The following THSD7A variants were observed in gnomAD, a reference collection of about 807,000 sequenced individuals.
The protein encoded by THSD7A is thrombospondin type 1 domain containing 7A.
A neutral mutation model predicts 231.3 loss-of-function variants in THSD7A; 96 were observed. The observed-to-expected ratio is 0.41, with a 90% CI of 0.35 to 0.49. The LOEUF (loss-of-function observed/expected upper bound fraction) is 0.49, where lower values mean the gene tolerates loss of function less well. THSD7A is among the 20% of genes least tolerant of loss of function. The pLI, the probability that THSD7A is intolerant of heterozygous loss-of-function variation, is 0.05. For synonymous variants in THSD7A, 940 were observed against 743.3 expected, an observed-to-expected ratio of 1.26 and a Z score of -4.30; for missense variants, 2,290 against 2,070.2, an observed-to-expected ratio of 1.11 and a Z score of -2.06.
At chr7:11,726,884 C>G (rs143907207) in intron 1 of THSD7A, among the ~76,000 whole-genome samples, 2 of 152,014 alleles carry the variant, frequency 1.3e-5, no homozygotes, top group African/African-American at 4.8e-5. Flanking sequence ...TTTCAGTCAT[C>G]TAAGAATAAT....
intron 1 of THSD7A, among the ~76,000 whole-genome samples, chr7:11,684,796 G>A (rs1354493989): frequency 6.6e-6 from 1 of 151,864 alleles, no homozygotes; most frequent in Admixed American, 6.6e-5. Context: ...TATCTATACT[G>A]TTCAAAGCAA....
intron 4 of THSD7A, among the ~76,000 whole-genome samples, chr7:11,559,222 C>A (rs371291376): frequency 1.3e-5 from 2 of 152,270 alleles, no homozygotes; most frequent in Admixed American, 6.5e-5. Context: ...AGAAATGGAA[C>A]CCTGTCAGCT....
At chr7:11,430,290 A>C (rs949607099) in intron 13 of THSD7A, among the ~76,000 whole-genome samples, 5 of 152,084 alleles carry the variant, frequency 3.3e-5, no homozygotes, top group African/African-American at 1.2e-4. Flanking sequence ...AACCATCATC[A>C]CCATCTAATT....
chr7:11,495,845 C>A (rs920209942), intron 6 of THSD7A, among the ~76,000 whole-genome samples: 22 of 151,840 alleles, frequency 1.4e-4, no homozygotes, highest in Non-Finnish European at 1.9e-4. Flanking sequence ...CTTACAAAGC[C>A]GGGGGAAAAT....
In THSD7A at chr7:11,757,912, G is replaced by A. The variant is rs1206198655; in HGVS notation, c.190+73845C>T. Among the ~76,000 whole-genome samples, 4 of 150,272 alleles carry A rather than the reference G, an allele frequency of 2.7e-5. No individual in the cohort carries two copies. The Admixed American group carries it at 2.7e-4, about 10-fold the overall frequency. ...CATAGGCTTAATTAAAAATGGAATA[G>A]GCCAATTTAGTAATAATAATAATAA... is the stretch of plus-strand genomic sequence containing the variant. On this transcript the variant is annotated intron_variant, in intron 1 of 27. Transcript: ENST00000423059.
At chr7:11,682,638 G>C (rs940930872) in intron 1 of THSD7A, among the ~76,000 whole-genome samples, 2 of 151,904 alleles carry the variant, frequency 1.3e-5, no homozygotes, top group African/African-American at 4.8e-5. Context: ...AATAGACATA[G>C]ACATTCACAC....
intron 1 of THSD7A, among the ~76,000 whole-genome samples, chr7:11,724,999 C>T (rs1337837634): frequency 1.3e-5 from 2 of 151,548 alleles, no homozygotes; most frequent in Admixed American, 6.6e-5. Context: ...TTAAGCAGTG[C>T]CTCAAAATTA....
chr7:11,671,741 C>T (rs183827684), intron 1 of THSD7A, among the ~76,000 whole-genome samples: 25 of 152,110 alleles, frequency 1.6e-4, no homozygotes, highest in Admixed American at 9.2e-4. Flanking sequence ...CTTTCTAGGG[C>T]AATGAAACAC....
chr7:11,401,908 C>G lies in THSD7A; in HGVS notation c.4298G>C (p.Gly1433Ala). 1 of 1,613,842 alleles carries G rather than the reference C, an allele frequency of 6.2e-7. No homozygotes were observed. The stretch of plus-strand genomic sequence containing the variant: ...TATTCCACCAAAGCCTAGATCCTCA[C>G]CATTCACACAGGTCAGCTGACACAG... Reference protein sequence around the residue: ...WSLCQLTCVNGEDLGFGGIQV... With the variant: ...WSLCQLTCVNAEDLGFGGIQV... The change falls in exon 23 of 28, where the codon GGT becomes GCT. Residue 1433 changes from glycine to alanine, a missense_variant. Transcript: ENST00000423059.
intron 1 of THSD7A, among the ~76,000 whole-genome samples, chr7:11,788,051 G>C (rs543916083): frequency 7.2e-5 from 11 of 152,036 alleles, no homozygotes; most frequent in Admixed American, 3.3e-4. Flanking sequence ...CTACAAGGTT[G>C]GTCTTTTTTG....
chr7:11,562,380 C>T (rs1465032276), intron 4 of THSD7A, among the ~76,000 whole-genome samples: 1 of 152,122 alleles, frequency 6.6e-6, no homozygotes, highest in African/African-American at 2.4e-5. Context: ...AAAAGATATA[C>T]TGGTGCTCAA....
At chr7:11,471,920 C>G (rs1329905898) in intron 8 of THSD7A, among the ~76,000 whole-genome samples, 1 of 152,082 alleles carries the variant, frequency 6.6e-6, no homozygotes. Flanking sequence ...ATAACTTTAA[C>G]AATGAGAGAG....
At chr7:11,431,851 T>C (rs1300673835) in intron 13 of THSD7A, among the ~76,000 whole-genome samples, 1 of 152,140 alleles carries the variant, frequency 6.6e-6, no homozygotes, top group Non-Finnish European at 1.5e-5. Context: ...CTTTCAATGA[T>C]GTTTTGTAGT....
At chr7:11,819,970 C>T (rs563959426) in intron 1 of THSD7A, among the ~76,000 whole-genome samples, 28 of 152,244 alleles carry the variant, frequency 1.8e-4, no homozygotes, top group African/African-American at 6.3e-4. Flanking sequence ...TAACACTGCA[C>T]CAAAAAGTCT....
rs1419117924 is a variant in THSD7A at position 11,541,600 on chromosome 7, A to C, written c.1641T>G (p.Asn547Lys). The C allele has an allele frequency of 1.2e-6, 2 of 1,613,782 alleles. No homozygotes were observed. The highest frequency in any genetic ancestry group is 8.5e-7 in the Non-Finnish European group (1 of 1,179,840). The change falls in exon 6 of 28, where the codon AAT (asparagine) becomes AAG (lysine). Residue 547 changes from asparagine (N) to lysine (K), a missense_variant. Physicochemically the swap from Asn to Lys is moderately conservative, Grantham distance 94 (BLOSUM62 0). Coordinates refer to ENST00000423059, the MANE Select transcript of THSD7A (RefSeq NM_015204.3). ...TTACCCCAGAGCCTCCAGTGGGCTC[A>C]TTGGTAATGCGCCGCTTCCTCAGTT... The part of the protein sequence containing the change: ...GFKLRKRRIT[N>K]EPTGGSGVTG...
At chr7:11,455,669 T>A (rs1177694650) in intron 11 of THSD7A, among the ~76,000 whole-genome samples, 1 of 152,078 alleles carries the variant, frequency 6.6e-6, no homozygotes, top group Non-Finnish European at 1.5e-5. Flanking sequence ...TTGACATATA[T>A]AAAATATAGA....
intron 1 of THSD7A, among the ~76,000 whole-genome samples, chr7:11,677,660 C>T (rs1783697608): frequency 9.9e-6 from 1 of 100,722 alleles, no homozygotes; most frequent in Non-Finnish European, 2.1e-5. Context: ...TTTAAACCAA[C>T]AAAGATCAAA....
chr7:11,473,387 A>G (rs999108473), intron 8 of THSD7A, among the ~76,000 whole-genome samples: 2 of 152,078 alleles, frequency 1.3e-5, no homozygotes, highest in African/African-American at 4.8e-5. Context: ...GACTGCAAAA[A>G]CTGTTGGCCA....
intron 24 of THSD7A, 50 bp downstream of exon 24, chr7:11,382,471 T>A: frequency 7.2e-7 from 1 of 1,396,828 alleles, no homozygotes; most frequent in Non-Finnish European, 1.0e-6. Flanking sequence ...ACCAATCACA[T>A]GTGTGTTACA....
Sources: gnomAD v4.1 joint callset for allele counts (sites outside exome capture counted in the v4.1 genomes callset) on GRCh38, gnomAD v4.1.1 for gene constraint, MANE v1.5 for transcripts, NCBI Gene and HGNC (gene_info 2026-07-23, HGNC 2026-07-21) for gene names.